Variants in CCDC33 observed in about 807,000 individuals in gnomAD.
CCDC33 encodes coiled-coil domain containing 33.
In CCDC33, 94 loss-of-function variants were observed where a neutral mutation model predicts 91.9. The ratio of observed to expected loss-of-function variants is 1.02; its 90% confidence interval spans 0.87 to 1.21. The LOEUF is 1.21. Among genes scored for constraint, CCDC33 ranks in the 50% most tolerant of loss-of-function variants. The probability of loss-of-function intolerance (pLI) is 0.00; values close to 1 mark genes in which losing one functional copy is unlikely to be tolerated. For missense variants in CCDC33, 940 were observed against 935.5 expected (o/e 1.00, Z -0.06); for synonymous variants, 396 against 374.5 (o/e 1.06, Z -0.66).
intron 11 of CCDC33, among the ~76,000 whole-genome samples, chr15:74,328,912 A>G (rs1437063786): frequency 6.6e-6 from 1 of 152,196 alleles, no homozygotes; most frequent in Non-Finnish European, 1.5e-5. Flanking sequence ...GGGGCTCAGC[A>G]AACGCAGGAG....
rs558122268 is a variant in CCDC33, at chr15:74,273,688, C to T, written c.759+797C>T. On this transcript the variant is annotated intron_variant, in intron 7 of 18. Coordinates refer to ENST00000398814, the MANE Select transcript of CCDC33 (RefSeq NM_025055.5). ...TTCACCATGTCGGCCAGGCTGGTCT[C>T]GAACTCCTGACCTCAGGTGATCCAC... 3.2e-3 allele frequency among the ~76,000 whole-genome samples: 484 copies of T among 151,936 alleles called. 3 individuals are homozygous for T. Among genetic ancestry groups the T allele is most frequent in the Admixed American group, 4.9e-3 (75 of 15,270 alleles).
chr15:74,221,448 C>A, intron 2 of CCDC33: 4 of 393,770 alleles, frequency 1.0e-5, no homozygotes, highest in East Asian at 1.6e-4. Flanking sequence ...CCCTGGGTTA[C>A]ACAGCCTTAA....
chr15:74,223,746 A>ACACGCAAGCATG (rs1157528098), intron 2 of CCDC33, among the ~76,000 whole-genome samples: 1 of 102,046 alleles, frequency 9.8e-6, no homozygotes, highest in Non-Finnish European at 1.9e-5. Context: ...ACACACACAC[A>ACACGCAAGCATG]CACACACACA....
intron 8 of CCDC33, 28 bp downstream of exon 8, chr15:74,280,120 G>A (rs773418759): frequency 6.2e-7 from 1 of 1,612,636 alleles, no homozygotes; most frequent in Non-Finnish European, 8.5e-7. Context: ...CCTCGCCAGG[G>A]CAGCCATGCC....
chr15:74,269,087 C>A (rs953248560), intron 5 of CCDC33, among the ~76,000 whole-genome samples: 1 of 151,946 alleles, frequency 6.6e-6, no homozygotes, highest in Non-Finnish European at 1.5e-5. Flanking sequence ...TCACCATCCA[C>A]CCCCTAGGCC....
intron 11 of CCDC33, among the ~76,000 whole-genome samples, chr15:74,309,625 A>G (rs554225158): frequency 1.3e-5 from 2 of 152,126 alleles, no homozygotes; most frequent in African/African-American, 4.8e-5. Flanking sequence ...TTTTTCCTAC[A>G]GTGGGGAGTG....
chr15:74,336,056 C>G lies in CCDC33; in HGVS notation c.*3C>G, dbSNP rs756821876. 14 of 1,613,496 alleles carry G rather than the reference C, an allele frequency of 8.7e-6. No individual in the cohort carries two copies. Among genetic ancestry groups the G allele is most frequent in the African/African-American group, 1.3e-5 (1 of 74,912 alleles). The stretch of plus-strand genomic sequence containing the variant: ...CCGCTAACTCTCAGCAGACCTGAGC[C>G]CCAGAGCAGGCCTCCTTCCCTGTGT... On this transcript the variant is annotated 3_prime_UTR_variant, in exon 19 of 19. Coordinates refer to ENST00000398814, the MANE Select transcript of CCDC33 (RefSeq NM_025055.5).
chr15:74,205,882 C>G (rs2074250045), intron 1 of CCDC33, among the ~76,000 whole-genome samples: 1 of 152,232 alleles, frequency 6.6e-6, no homozygotes, highest in South Asian at 2.1e-4. Flanking sequence ...GGGGGCCTAG[C>G]AAGCAGAGCG....
chr15:74,248,562 C>A (rs2075608445), intron 2 of CCDC33, among the ~76,000 whole-genome samples: 1 of 152,110 alleles, frequency 6.6e-6, no homozygotes, highest in South Asian at 2.1e-4. Flanking sequence ...GGGATCGGGG[C>A]AGGGGAAGTA....
At chr15:74,322,832 G>A (rs745821915) in intron 11 of CCDC33, among the ~76,000 whole-genome samples, 6 of 152,156 alleles carry the variant, frequency 3.9e-5, no homozygotes, top group Non-Finnish European at 7.3e-5. Context: ...CTGGGGATCC[G>A]GGGAACCCTG....
intron 11 of CCDC33, among the ~76,000 whole-genome samples, chr15:74,309,495 A>C (rs1323074011): frequency 6.6e-6 from 1 of 152,186 alleles, no homozygotes; most frequent in Non-Finnish European, 1.5e-5. Context: ...CACCTACAGG[A>C]ACCTCAGTCT....
intron 2 of CCDC33, among the ~76,000 whole-genome samples, chr15:74,251,510 A>C (rs1025106329): frequency 1.8e-4 from 28 of 152,226 alleles, no homozygotes; most frequent in Non-Finnish European, 1.0e-4. Context: ...GGCTGCCAGC[A>C]TTGGCAGCTG....
At chr15:74,260,271 C>T (rs2075986713) in intron 2 of CCDC33, among the ~76,000 whole-genome samples, 1 of 152,322 alleles carries the variant, frequency 6.6e-6, no homozygotes, top group East Asian at 1.9e-4. Context: ...TCCTGCCAGG[C>T]TTCTGCCTTC....
upstream of CCDC33, among the ~76,000 whole-genome samples, chr15:74,214,517 G>A (rs2074395409): frequency 1.3e-5 from 2 of 152,190 alleles, no homozygotes; most frequent in South Asian, 4.1e-4. Flanking sequence ...CCCTGAGAAG[G>A]GAGGAGGGAT....
intron 1 of CCDC33, among the ~76,000 whole-genome samples, chr15:74,242,881 C>T (rs2142263558): frequency 6.6e-6 from 1 of 152,338 alleles, no homozygotes; most frequent in Middle Eastern, 3.4e-3. Flanking sequence ...TTGGAAAGCT[C>T]TGCCCCTTCC....
chr15:74,243,976 T>A lies in CCDC33; in HGVS notation c.22-9T>A. On this transcript the variant is annotated splice_polypyrimidine_tract_variant and intron_variant, in intron 1 of 18. Coordinates refer to ENST00000398814, the MANE Select transcript of CCDC33 (RefSeq NM_025055.5). ...AAAAAAAAACACTCAGCCCTGGCTCTCCCCACAGAACACTGAAGACCCAGA... is the reference window on the plus strand; with the variant it reads ...AAAAAAAAACACTCAGCCCTGGCTCACCCCACAGAACACTGAAGACCCAGA... 1.3e-6 allele frequency: 2 copies of A among 1,573,370 alleles called. No homozygotes were observed. Among genetic ancestry groups the A allele is most frequent in the Non-Finnish European group, 1.7e-6 (2 of 1,167,048 alleles).
chr15:74,317,527 C>T (rs915021546), intron 11 of CCDC33, among the ~76,000 whole-genome samples: 30 of 152,266 alleles, frequency 2.0e-4, no homozygotes, highest in Middle Eastern at 6.8e-3. Flanking sequence ...GATTTTGAAA[C>T]GGGTAGAGGT....
At chr15:74,279,890 C>T in intron 7 of CCDC33, 73 bp from the exon 8 acceptor site, 1 of 1,549,194 alleles carries the variant, frequency 6.5e-7, no homozygotes. Flanking sequence ...ATACACAAAA[C>T]CAAATATCTG....
intron 1 of CCDC33, among the ~76,000 whole-genome samples, chr15:74,208,234 G>GC (rs1037667679): frequency 2.0e-5 from 3 of 152,060 alleles, no homozygotes; most frequent in African/African-American, 2.4e-5. Context: ...GAGTAGTGAG[G>GC]CCCCCATCAA....
Sources: gnomAD v4.1 joint callset for allele counts (sites outside exome capture counted in the v4.1 genomes callset) on GRCh38, gnomAD v4.1.1 for gene constraint, MANE v1.5 for transcripts, NCBI Gene and HGNC (gene_info 2026-07-23, HGNC 2026-07-21) for gene names.